The following NFIB variants were observed in gnomAD, a reference collection of about 807,000 sequenced individuals.
NFIB encodes the protein nuclear factor I B.
In NFIB, 11 loss-of-function variants were observed where a neutral mutation model predicts 61.5. The ratio of observed to expected loss-of-function variants is 0.18; its 90% CI spans 0.11 to 0.30. The LOEUF is 0.30. Among genes scored for constraint, NFIB ranks in the 10% least tolerant of loss-of-function variants. NFIB has a pLI of 1.00. For synonymous variants in NFIB, 260 were observed against 216.5 expected (o/e 1.20, Z -1.76); for missense variants, 471 against 608.9 (o/e 0.77, Z 2.38).
At chr9:14,270,357 G>A (rs1329432143) in intron 2 of NFIB, among the ~76,000 whole-genome samples, 1 of 151,880 alleles carries the variant, frequency 6.6e-6, no homozygotes, top group Non-Finnish European at 1.5e-5. Flanking sequence ...GTTGCTTATT[G>A]CCAAGGGAAA....
exon 1 of NFIB, chr9:14,398,688 G>T (rs113485994): frequency 9.0e-6 from 11 of 1,226,682 alleles, no homozygotes; most frequent in African/African-American, 4.6e-5. Flanking sequence ...CATTTGCGCT[G>T]TTTTAGAATG....
At chr9:14,439,806 G>C in the NFIB span, among the ~76,000 whole-genome samples, 4 of 152,200 alleles carry the variant, frequency 2.6e-5, no homozygotes, top group Non-Finnish European at 5.9e-5. Context: ...AACAAGTAGA[G>C]AGGCAAAAAC....
chr9:14,335,425 T>C (rs1362540286), intron 1 of NFIB, among the ~76,000 whole-genome samples: 1 of 152,228 alleles, frequency 6.6e-6, no homozygotes, highest in Non-Finnish European at 1.5e-5. Flanking sequence ...GTAGTATTTG[T>C]CTCCTTAATA....
chr9:14,126,188 C>T (rs2039623416), intron 6 of NFIB, among the ~76,000 whole-genome samples: 1 of 152,178 alleles, frequency 6.6e-6, no homozygotes, highest in Non-Finnish European at 1.5e-5. Flanking sequence ...GTCACGATAT[C>T]ACTGATTTCA....
At chr9:14,347,520 G>A (rs536033374) in intron 1 of NFIB, among the ~76,000 whole-genome samples, 3 of 152,272 alleles carry the variant, frequency 2.0e-5, no homozygotes, top group South Asian at 4.1e-4. Flanking sequence ...AGTTAGTGGC[G>A]GAGGCTCAGG....
chr9:14,141,887 T>C (rs1475387313), intron 6 of NFIB, among the ~76,000 whole-genome samples: 3 of 130,038 alleles, frequency 2.3e-5, no homozygotes, highest in East Asian at 2.2e-4. Context: ...TTGCAATAAA[T>C]CTTGCTGCTG....
At chr9:14,118,568 T>C (rs1322684564) in intron 8 of NFIB, among the ~76,000 whole-genome samples, 1 of 152,114 alleles carries the variant, frequency 6.6e-6, no homozygotes. Flanking sequence ...AGTTTTCTAC[T>C]GGTTCAAACA....
chr9:14,518,094 A>C, the NFIB span, among the ~76,000 whole-genome samples: 6 of 152,248 alleles, frequency 3.9e-5, no homozygotes, highest in Non-Finnish European at 5.9e-5. Flanking sequence ...GAATAAATAT[A>C]TTTATGCAGT....
At chr9:14,355,858 G>A (rs1006840241) in intron 1 of NFIB, among the ~76,000 whole-genome samples, 2 of 152,128 alleles carry the variant, frequency 1.3e-5, no homozygotes, top group African/African-American at 4.8e-5. Flanking sequence ...TCCGGAGGCT[G>A]AGGCAGGAGA....
At chr9:14,221,874 T>C (rs544775746) in intron 2 of NFIB, among the ~76,000 whole-genome samples, 3 of 152,342 alleles carry the variant, frequency 2.0e-5, no homozygotes, top group East Asian at 1.9e-4. Flanking sequence ...CTGGTAACTA[T>C]GTCATTTTCC....
rs1475716623 is a variant in NFIB, at chr9:14,314,071, G to A, written c.-560C>T. 9 of 1,060,060 alleles carry A rather than the reference G, an allele frequency of 8.5e-6. No homozygotes were observed. The highest frequency in any genetic ancestry group is 5.1e-5 in the East Asian group (1 of 19,592). The allele number at this position is 1,060,060 out of a possible 1,614,324, so 65.7% of individuals were successfully genotyped here. On this transcript the variant is annotated 5_prime_UTR_variant, in exon 1 of 11. Transcript: ENST00000380953. The stretch of plus-strand genomic sequence containing the variant: ...CCAAGCACTGCGGCAGGATCCCGGA[G>A]TGGTGATCGCAGGCGAAACTTTGCC...
At chr9:14,268,450 T>C (rs939051155) in intron 2 of NFIB, among the ~76,000 whole-genome samples, 7 of 152,102 alleles carry the variant, frequency 4.6e-5, no homozygotes, top group African/African-American at 1.7e-4. Flanking sequence ...CCCCTGATGG[T>C]TCATGACCCC....
chr9:14,123,963 C>A (rs975456705), intron 7 of NFIB, among the ~76,000 whole-genome samples: 1 of 152,154 alleles, frequency 6.6e-6, no homozygotes, highest in Non-Finnish European at 1.5e-5. Context: ...GAACACATAT[C>A]TTCCAGGTAT....
intron 2 of NFIB, among the ~76,000 whole-genome samples, chr9:14,224,119 C>T (rs1448267214): frequency 6.6e-6 from 1 of 152,156 alleles, no homozygotes; most frequent in African/African-American, 2.4e-5. Flanking sequence ...TTATGTTTGC[C>T]TGAACAATTA....
intron 2 of NFIB, among the ~76,000 whole-genome samples, chr9:14,265,657 C>A (rs1376678336): frequency 6.6e-6 from 1 of 152,170 alleles, no homozygotes; most frequent in African/African-American, 2.4e-5. Context: ...AATATGTTGA[C>A]CACCATATCC....
intron 3 of NFIB, among the ~76,000 whole-genome samples, chr9:14,173,824 A>G (rs1040190923): frequency 1.3e-5 from 2 of 152,206 alleles, no homozygotes; most frequent in Non-Finnish European, 2.9e-5. Context: ...AGGACCTTAC[A>G]AGACATTCCT....
intron 3 of NFIB, among the ~76,000 whole-genome samples, chr9:14,172,862 C>T (rs1049998205): frequency 2.0e-5 from 3 of 152,034 alleles, no homozygotes; most frequent in African/African-American, 7.2e-5. Flanking sequence ...CTCTGCCTCC[C>T]AGGTTCAAGC....
chr9:14,514,355 C>T, the NFIB span, among the ~76,000 whole-genome samples: 3 of 151,946 alleles, frequency 2.0e-5, no homozygotes, highest in Admixed American at 2.0e-4. Context: ...CACGCATCCA[C>T]CACCTTTCTG....
intron 1 of NFIB, among the ~76,000 whole-genome samples, chr9:14,333,646 G>A (rs1304996364): frequency 6.6e-6 from 1 of 152,184 alleles, no homozygotes; most frequent in Admixed American, 6.5e-5. Context: ...CTAAGTGACT[G>A]CCTTGTCTCT....
Sources: allele counts gnomAD v4.1 joint callset (sites outside exome capture counted in the v4.1 genomes callset), GRCh38; gene constraint gnomAD v4.1.1; transcripts MANE v1.5; gene names NCBI Gene and HGNC (gene_info 2026-07-23, HGNC 2026-07-21).